The following THEM6 variants were observed in gnomAD, a reference collection of about 807,000 sequenced individuals.
THEM6 encodes the protein protein THEM6.
In THEM6, 10 loss-of-function variants were observed where a neutral mutation model predicts 13.7. That is an observed-to-expected ratio of 0.73 (90% confidence interval 0.45 to 1.24). The LOEUF is 1.24. THEM6 is among the 50% of genes most tolerant of loss of function. The pLI, the probability that THEM6 is intolerant of heterozygous loss-of-function variation, is 0.00. For synonymous variants in THEM6, 161 were observed against 156.0 expected, an observed-to-expected ratio of 1.03 and a Z score of -0.24; for missense variants, 317 against 312.6, an observed-to-expected ratio of 1.01 and a Z score of -0.11.
rs1477620612 is a variant in THEM6, at chr8:142,727,833, G to A, written c.487G>A (p.Val163Ile). 1.4e-6 allele frequency: 2 copies of A among 1,456,082 alleles called. No homozygotes were observed. Among genetic ancestry groups the A allele is most frequent in the Non-Finnish European group, 1.8e-6 (2 of 1,112,850 alleles). 90.2% of individuals were successfully genotyped at this position (1,456,082 alleles called of 1,614,324 possible). The change falls in exon 1 of 2, where the codon GTC becomes ATC. Residue 163 changes from valine to isoleucine, a missense_variant. Physicochemically the swap from Val to Ile is conservative, Grantham distance 29. Coordinates refer to ENST00000336138, the MANE Select transcript of THEM6 (RefSeq NM_016647.3). ...QHLLGTSPER[V>I]VQHLCQRRVE... ...CCTGCTGGGCACCTCACCCGAGCGC[G>A]TCGTGCAGCACCTGTGCCAGCGCAG...
At chr8:142,735,002 G>T in intron 1 of THEM6, 1 of 302,846 alleles carries the variant, frequency 3.3e-6, no homozygotes, top group Middle Eastern at 1.1e-3. Context: ...GGGCTCCCAT[G>T]CTGGCCCTCC....
chr8:142,735,438 G>A lies in THEM6; in HGVS notation c.626G>A (p.Ter209=), dbSNP rs144075334. The A allele has an allele frequency of 8.3e-6, 13 of 1,566,638 alleles. No individual in the cohort carries two copies. In the African/African-American group the frequency reaches 1.6e-4, roughly 20 times the overall value. ...CTCAGTGATGTCACCAAGGACCAGT[G>A]ACCGCCACCTTCACACCGTCTGCCC... ...SGLSDVTKDQ[*] The change falls in exon 2 of 2, where the codon TGA becomes TAA. Residue 209 remains the stop codon, a stop_retained_variant. Coordinates refer to ENST00000336138, the MANE Select transcript of THEM6 (RefSeq NM_016647.3).
intron 1 of THEM6, among the ~76,000 whole-genome samples, chr8:142,729,737 A>T (rs1193313708): frequency 1.3e-5 from 2 of 152,358 alleles, no homozygotes; most frequent in Admixed American, 1.3e-4. Flanking sequence ...GGTTACACTG[A>T]TAAGGCTGAC....
At chr8:142,735,131 G>C in intron 1 of THEM6, 195 bp from the exon 2 acceptor site, 1 of 579,866 alleles carries the variant, frequency 1.7e-6, no homozygotes. Context: ...GACGGGCCAG[G>C]CACAAGCGGG....
In THEM6 at chr8:142,727,539, A is replaced by G. The variant is rs374933389; in HGVS notation, c.193A>G (p.Met65Val). 2.2e-5 allele frequency: 34 copies of G among 1,568,572 alleles called. No homozygotes were observed. The African/African-American group carries it at 4.3e-4, about 20-fold the overall frequency. Residue 65 changes from methionine to valine, a missense_variant, in exon 1 of 2, where the codon ATG becomes GTG. Coordinates refer to ENST00000336138, the MANE Select transcript of THEM6 (RefSeq NM_016647.3). ...CTCGGACTTGGACCTGCTGCTGCAC[A>G]TGAACAACGCGCGCTACCTGCGCGA... ...LPSDLDLLLH[M>V]NNARYLREAD... is the part of the protein sequence containing the mutation.
intron 1 of THEM6, among the ~76,000 whole-genome samples, chr8:142,729,682 A>G (rs1815602355): frequency 6.6e-6 from 1 of 152,202 alleles, no homozygotes; most frequent in Non-Finnish European, 1.5e-5. Flanking sequence ...GACTGAGGGC[A>G]GGTCTAGAGT....
chr8:142,727,301 A>C lies in THEM6; in HGVS notation c.-46A>C. 2 of 1,429,778 alleles carry C rather than the reference A, an allele frequency of 1.4e-6. No individual in the cohort carries two copies. Among genetic ancestry groups the C allele is most frequent in the South Asian group, 2.9e-5 (2 of 69,708 alleles). The allele number at this position is 1,429,778 out of a possible 1,614,324, so 88.6% of individuals were successfully genotyped here. On this transcript the variant is annotated 5_prime_UTR_variant, in exon 1 of 2. Coordinates refer to ENST00000336138, the MANE Select transcript of THEM6 (RefSeq NM_016647.3). ...CGTAACCAGCGCCGCGGACACCGGC[A>C]CCGGCGCCACGGACTCCGCAGGACC...
intron 1 of THEM6, among the ~76,000 whole-genome samples, chr8:142,732,202 A>ATATATATATATATATT (rs1815664010): frequency 9.7e-6 from 1 of 102,634 alleles, no homozygotes; most frequent in Non-Finnish European, 1.9e-5. Flanking sequence ...ATATATATAT[A>ATATATATATATATATT]TATATTTTAA....
Position 142,727,678 on chromosome 8 carries a change from T to G in THEM6, c.332T>G (p.Leu111Arg), listed in dbSNP as rs1429765737. The stretch of plus-strand genomic sequence containing the variant: ...TCGTGCGCGCGCCACCGCCGCTCGC[T>G]GCGCCTGCTGGAGCCCTTCGAGGTG... ...AASCARHRRS[L>R]RLLEPFEVRT... Residue 111 changes from leucine (L) to arginine (R), a missense_variant, in exon 1 of 2, where the codon CTG (leucine) becomes CGG (arginine). Coordinates refer to ENST00000336138, the MANE Select transcript of THEM6 (RefSeq NM_016647.3). 4 of 1,432,212 alleles carry G rather than the reference T, an allele frequency of 2.8e-6. No homozygotes were observed. Among genetic ancestry groups the G allele is most frequent in the Non-Finnish European group, 3.6e-6 (4 of 1,105,058 alleles). The allele number at this position is 1,432,212 out of a possible 1,614,324, so 88.7% of individuals were successfully genotyped here.
chr8:142,734,122 T>C (rs587669378), intron 1 of THEM6, among the ~76,000 whole-genome samples: 1 of 152,360 alleles, frequency 6.6e-6, no homozygotes, highest in African/African-American at 2.4e-5. Context: ...TCTTCTATCA[T>C]GGCCTGGGCT....
chr8:142,727,705 G>A lies in THEM6; in HGVS notation c.359G>A (p.Arg120His), dbSNP rs1554642508. Reference protein sequence around the residue: ...SLRLLEPFEVRTRLLGWDDRA... With the variant: ...SLRLLEPFEVHTRLLGWDDRA... The stretch of plus-strand genomic sequence containing the variant: ...CGCCTGCTGGAGCCCTTCGAGGTGC[G>A]CACCCGCCTGCTGGGCTGGGACGAC... The change falls in exon 1 of 2, where the codon CGC becomes CAC. Residue 120 changes from arginine to histidine, a missense_variant. Coordinates refer to ENST00000336138, the MANE Select transcript of THEM6 (RefSeq NM_016647.3). 3.5e-6 allele frequency: 5 copies of A among 1,429,794 alleles called. No individual in the cohort carries two copies. Among genetic ancestry groups the A allele is most frequent in the South Asian group, 1.5e-5 (1 of 68,282 alleles). The allele number at this position is 1,429,794 out of a possible 1,614,324, so 88.6% of individuals were successfully genotyped here. A position where few individuals can be genotyped will look rare whatever the true frequency, so the allele number is the denominator to read the frequency against.
chr8:142,727,848 T>G lies in THEM6; in HGVS notation c.502T>G (p.Cys168Gly), dbSNP rs1554642567. The change falls in exon 1 of 2, where the codon TGC (cysteine) becomes GGC (glycine). Residue 168 changes from cysteine to glycine, a missense_variant. Physicochemically the swap from Cys to Gly is radical, Grantham distance 159. Coordinates refer to ENST00000336138, the MANE Select transcript of THEM6 (RefSeq NM_016647.3). ...TSPERVVQHL[C>G]QRRVEPPELP... Reference sequence around the variant, plus strand: ...ACCCGAGCGCGTCGTGCAGCACCTGTGCCAGCGCAGGGTGAGCGGCCCCCG... The same window carrying G: ...ACCCGAGCGCGTCGTGCAGCACCTGGGCCAGCGCAGGGTGAGCGGCCCCCG... 1.4e-6 allele frequency: 2 copies of G among 1,422,594 alleles called. No homozygotes were observed. The highest frequency in any genetic ancestry group is 9.1e-7 in the Non-Finnish European group (1 of 1,097,432). 88.1% of individuals were successfully genotyped at this position (1,422,594 alleles called of 1,614,324 possible).
intron 1 of THEM6, among the ~76,000 whole-genome samples, chr8:142,731,972 T>G (rs1012959110): frequency 6.6e-6 from 1 of 151,250 alleles, no homozygotes; most frequent in South Asian, 2.1e-4. Flanking sequence ...GTGCTTGCTG[T>G]TTTTGCTTTC....
intron 1 of THEM6, among the ~76,000 whole-genome samples, chr8:142,728,827 C>T (rs1448042081): frequency 6.6e-6 from 1 of 152,024 alleles, no homozygotes; most frequent in East Asian, 1.9e-4. Context: ...CGCGTCCACC[C>T]TAGGTGCAAT....
intron 1 of THEM6, among the ~76,000 whole-genome samples, chr8:142,728,132 C>T (rs2129986494): frequency 6.6e-6 from 1 of 152,296 alleles, no homozygotes; most frequent in Non-Finnish European, 1.5e-5. Context: ...TTAACCTGGC[C>T]CCTCACGGTT....
At chr8:142,728,575 C>T (rs2129987930) in intron 1 of THEM6, among the ~76,000 whole-genome samples, 1 of 152,330 alleles carries the variant, frequency 6.6e-6, no homozygotes, top group East Asian at 1.9e-4. Flanking sequence ...GCCCTTAGGG[C>T]ACTGCCCTCT....
chr8:142,727,366 C>T lies in THEM6; in HGVS notation c.20C>T (p.Ala7Val). ...GCCGCTATGCTGGGGCTGCTGGTGGCGTTGCTGGCCCTGGGGCTCGCTGTC... is the reference window on the plus strand; with the variant it reads ...GCCGCTATGCTGGGGCTGCTGGTGGTGTTGCTGGCCCTGGGGCTCGCTGTC... MLGLLVALLALGLAVFA... is the reference protein window; with the variant it reads MLGLLVVLLALGLAVFA... The change falls in exon 1 of 2, where the codon GCG becomes GTG. Residue 7 changes from alanine (A) to valine (V), a missense_variant. Ala to Val is a moderately conservative substitution (Grantham distance 64, BLOSUM62 0). Coordinates refer to ENST00000336138, the MANE Select transcript of THEM6 (RefSeq NM_016647.3). 1.3e-6 allele frequency: 2 copies of T among 1,519,960 alleles called. No individual in the cohort carries two copies. The highest frequency in any genetic ancestry group is 1.8e-6 in the Non-Finnish European group (2 of 1,140,548). The allele number at this position is 1,519,960 out of a possible 1,614,324, so 94.2% of individuals were successfully genotyped here.
rs1815758517 is a variant in THEM6 at position 142,736,180 on chromosome 8, C to G, written c.*741C>G. ...TCCTGGAAAGACAGCAGGCTTCCTG[C>G]TGGGCGTTCCCTTGTTGGAGGGAAT... On this transcript the variant is annotated 3_prime_UTR_variant, in exon 2 of 2. Coordinates refer to ENST00000336138, the MANE Select transcript of THEM6 (RefSeq NM_016647.3). The G allele has an allele frequency of 1.3e-5, 2 of 152,454 alleles. No homozygotes were observed. Among genetic ancestry groups the G allele is most frequent in the Admixed American group, 6.5e-5 (1 of 15,288 alleles). The allele number at this position is 152,454 out of a possible 1,614,324, so 9.4% of individuals were successfully genotyped here.
At chr8:142,732,204 ATATT>A (rs1554643008) in intron 1 of THEM6, among the ~76,000 whole-genome samples, 2,208 of 102,586 alleles carry the variant, frequency 0.022, 110 homozygotes, top group South Asian at 0.031. Flanking sequence ...ATATATATAT[ATATT>A]TTAACTACTG....
Sources: gnomAD v4.1 joint callset for allele counts (sites outside exome capture counted in the v4.1 genomes callset) on GRCh38, gnomAD v4.1.1 for gene constraint, MANE v1.5 for transcripts, NCBI Gene and HGNC (gene_info 2026-07-23, HGNC 2026-07-21) for gene names.